The following LRP1B variants were observed in gnomAD, a reference collection of about 807,000 sequenced individuals.
LRP1B encodes low-density lipoprotein receptor-related protein 1B.
Under a neutral mutation model 556.6 loss-of-function variants are expected in LRP1B, and 217 were observed. The ratio of observed to expected loss-of-function variants is 0.39; its 90% CI spans 0.35 to 0.44. LRP1B has a LOEUF of 0.44. Ranked by LOEUF, LRP1B falls within the 20% of genes least tolerant of loss-of-function variation. The probability of loss-of-function intolerance (pLI) is 1.00; values close to 1 mark genes in which losing one functional copy is unlikely to be tolerated. For missense variants in LRP1B, 5,053 were observed against 5,620.8 expected (o/e 0.90, Z 3.23); for synonymous variants, 2,047 against 1,865.8 (o/e 1.10, Z -2.50).
intron 86 of LRP1B, among the ~76,000 whole-genome samples, chr2:140,252,062 C>CAAAAAAAAAAAAAAAAAAAAAAAAAAAA: frequency 9.7e-4 from 18 of 18,558 alleles, no homozygotes; most frequent in East Asian, 5.6e-3. Flanking sequence ...TGACAAGATG[C>CAAAAAAAAAAAAAAAAAAAAAAAAAAAA]AAAAAAAAAA....
chr2:140,407,264 T>C (rs775411572), intron 66 of LRP1B, among the ~76,000 whole-genome samples: 29 of 152,008 alleles, frequency 1.9e-4, no homozygotes, highest in Non-Finnish European at 3.1e-4. Context: ...AAAAAACTAT[T>C]CTGGACATTG....
intron 49 of LRP1B, among the ~76,000 whole-genome samples, chr2:140,518,472 A>T (rs565091215): frequency 4.6e-5 from 7 of 152,326 alleles, no homozygotes; most frequent in African/African-American, 1.7e-4. Flanking sequence ...ATCACAAAAA[A>T]GAAAAATAAA....
intron 18 of LRP1B, among the ~76,000 whole-genome samples, chr2:140,966,504 T>C (rs1306287820): frequency 6.6e-6 from 1 of 152,212 alleles, no homozygotes; most frequent in East Asian, 1.9e-4. Context: ...AGGTTGCCTG[T>C]TCACTCTGAT....
chr2:141,896,233 G>C (rs919943573), intron 1 of LRP1B, among the ~76,000 whole-genome samples: 3 of 151,866 alleles, frequency 2.0e-5, no homozygotes, highest in Non-Finnish European at 2.9e-5. Context: ...AAACTCACCG[G>C]GTTCAGCTAC....
At chr2:140,306,916 C>G (rs943203810) in intron 83 of LRP1B, among the ~76,000 whole-genome samples, 2 of 151,772 alleles carry the variant, frequency 1.3e-5, no homozygotes, top group Admixed American at 6.6e-5. Flanking sequence ...CGTTATGTAC[C>G]CAGTAGTCAT....
rs544815241 is a variant in LRP1B, at chr2:140,905,942, T to A, written c.3520+1935A>T. Among the ~76,000 whole-genome samples, 12 of 152,238 alleles carry A rather than the reference T, an allele frequency of 7.9e-5. No homozygotes were observed. In the South Asian group the frequency reaches 2.5e-3, roughly 32 times the overall value. ...CAAATCCGTTTCTTTTGAAATTATT[T>A]AAAAATTTCCCTAAAAAAAAATCTC... is the stretch of plus-strand genomic sequence containing the variant. On this transcript the variant is annotated intron_variant, in intron 22 of 90. Coordinates refer to ENST00000389484, the MANE Select transcript of LRP1B (RefSeq NM_018557.3).
intron 32 of LRP1B, among the ~76,000 whole-genome samples, chr2:140,777,234 A>G (rs986538435): frequency 1.3e-5 from 2 of 152,190 alleles, no homozygotes; most frequent in Non-Finnish European, 2.9e-5. Context: ...AATTAAAGAT[A>G]TTTTTACATG....
At chr2:141,639,437 A>G (rs355542) in intron 2 of LRP1B, among the ~76,000 whole-genome samples, 14,069 of 138,472 alleles carry the variant, frequency 0.1, 975 homozygotes, top group African/African-American at 0.14. Context: ...TTTTTGAGAC[A>G]GAGTCTCACT....
At chr2:140,399,164 T>TAC (rs67690255) in intron 66 of LRP1B, among the ~76,000 whole-genome samples, 1,949 of 122,426 alleles carry the variant, frequency 0.016, 21 homozygotes, top group South Asian at 0.023. Flanking sequence ...AAGACCAAGA[T>TAC]ACACACACAC....
At chr2:141,539,290 T>C (rs1255904292) in intron 2 of LRP1B, among the ~76,000 whole-genome samples, 3 of 152,166 alleles carry the variant, frequency 2.0e-5, no homozygotes, top group Non-Finnish European at 4.4e-5. Context: ...AACAGAGTTA[T>C]GATTCAGCTC....
chr2:140,572,801 A>ATAAAATAAAATAAAT (rs1681374248), intron 43 of LRP1B, among the ~76,000 whole-genome samples: 1 of 145,944 alleles, frequency 6.9e-6, no homozygotes, highest in African/African-American at 2.5e-5. Flanking sequence ...CAGCCATAAA[A>ATAAAATAAAATAAAT]TAAAATAAAA....
At chr2:140,296,386 A>G (rs1209567590) in intron 84 of LRP1B, among the ~76,000 whole-genome samples, 4 of 152,202 alleles carry the variant, frequency 2.6e-5, no homozygotes, top group Non-Finnish European at 2.9e-5. Flanking sequence ...AGTATTTCAG[A>G]TAAGGGATAT....
chr2:140,868,411 TG>T, intron 25 of LRP1B, 148 bp from the exon 26 acceptor site: 1 of 637,456 alleles, frequency 1.6e-6, no homozygotes, highest in East Asian at 3.1e-5. Context: ...GTGGGGCTTA[TG>T]GTCCAGTGGA....
intron 3 of LRP1B, among the ~76,000 whole-genome samples, chr2:141,393,973 T>C (rs897676764): frequency 6.6e-6 from 1 of 152,152 alleles, no homozygotes; most frequent in Non-Finnish European, 1.5e-5. Context: ...CTAATCTGTA[T>C]CTATTATATG....
At chr2:141,683,194 C>A (rs945522218) in intron 2 of LRP1B, among the ~76,000 whole-genome samples, 2 of 152,088 alleles carry the variant, frequency 1.3e-5, no homozygotes, top group African/African-American at 4.8e-5. Context: ...CCTGTAGAAG[C>A]TGCTTTAGAA....
rs546839299 is a variant in LRP1B at position 140,323,809 on chromosome 2, T to C, written c.12514+84A>G. The C allele has an allele frequency of 3.7e-4, 259 of 691,294 alleles. 1 individual carries two copies. The East Asian group carries it at 7.5e-3, about 20-fold the overall frequency. The allele number at this position is 691,294 out of a possible 1,614,324, so 42.8% of individuals were successfully genotyped here. On this transcript the variant is annotated intron_variant, in intron 81 of 90. Transcript: ENST00000389484. Reference sequence around the variant, plus strand: ...ACTGAGGTTAAGACATTTACATAGTTAAGATATTTAAAAATATATTATTTT... The same window carrying C: ...ACTGAGGTTAAGACATTTACATAGTCAAGATATTTAAAAATATATTATTTT...
intron 2 of LRP1B, among the ~76,000 whole-genome samples, chr2:141,563,649 T>C (rs1330191298): frequency 6.6e-6 from 1 of 151,874 alleles, no homozygotes; most frequent in Non-Finnish European, 1.5e-5. Flanking sequence ...ATTTAAAAAG[T>C]GTAAAAATAG....
intron 60 of LRP1B, among the ~76,000 whole-genome samples, chr2:140,472,323 C>G (rs1454640535): frequency 6.6e-6 from 1 of 152,208 alleles, no homozygotes; most frequent in East Asian, 1.9e-4. Flanking sequence ...AATATACTGT[C>G]TAACTTATTC....
intron 3 of LRP1B, among the ~76,000 whole-genome samples, chr2:141,338,273 C>T (rs1243442464): frequency 6.6e-6 from 1 of 152,086 alleles, no homozygotes; most frequent in Non-Finnish European, 1.5e-5. Context: ...ACCATAAGCT[C>T]AATTGGGAGC....
Sources: gnomAD v4.1 joint callset for allele counts (sites outside exome capture counted in the v4.1 genomes callset) on GRCh38, gnomAD v4.1.1 for gene constraint, MANE v1.5 for transcripts, NCBI Gene and HGNC (gene_info 2026-07-23, HGNC 2026-07-21) for gene names.